Variants in SDR39U1 observed in about 807,000 individuals in gnomAD.
SDR39U1 encodes short chain dehydrogenase/reductase family 39U member 1.
Under a neutral mutation model 31.7 loss-of-function variants are expected in SDR39U1, and 29 were observed. The ratio of observed to expected loss-of-function variants is 0.92; its 90% confidence interval spans 0.68 to 1.25. The LOEUF is 1.25. Among genes scored for constraint, SDR39U1 ranks in the 50% most tolerant of loss-of-function variants. The probability of loss-of-function intolerance (pLI) is 0.00; values close to 1 mark genes in which losing one functional copy is unlikely to be tolerated. For synonymous variants in SDR39U1, 147 were observed against 159.0 expected, an observed-to-expected ratio of 0.92 and a Z score of 0.57; for missense variants, 403 against 378.4, an observed-to-expected ratio of 1.06 and a Z score of -0.54.
At position 24,440,411 on chromosome 14, in the gene SDR39U1, G is replaced by C. The variant is rs1418713774; in HGVS notation, c.554C>G (p.Ser185Ter). ...TATCCAGGGGAAGAATTGGTGGCCT[G>C]AGCCGATGGGGCCCCCCAGGCCCAG... Reference protein sequence around the residue: ...FRLGLGGPIGSGHQFFPWIHI... With the variant: ...FRLGLGGPIG Residue 185 changes from serine (S) to a stop codon, truncating the protein, a stop_gained, in exon 6 of 6, where the codon TCA (serine) becomes TGA (stop). Coordinates refer to ENST00000399395, the MANE Select transcript of SDR39U1 (RefSeq NM_020195.3). LOFTEE classifies it high-confidence loss of function. The C allele has an allele frequency of 2.5e-6, 4 of 1,613,478 alleles. No individual in the cohort carries two copies. The highest frequency in any genetic ancestry group is 2.2e-5 in the South Asian group (2 of 91,002).
rs1464197113 is a variant in SDR39U1, at chr14:24,440,337, G to A, written c.628C>T (p.His210Tyr). ...GILTHALEAN[H>Y]VHGVLNGVAP... ...ACTCCATTCAGGACCCCGTGCACGTGGTTTGCTTCAAGGGCATGGGTCAGG... is the reference window on the plus strand; with the variant it reads ...ACTCCATTCAGGACCCCGTGCACGTAGTTTGCTTCAAGGGCATGGGTCAGG... Residue 210 changes from histidine to tyrosine, a missense_variant, in exon 6 of 6, where the codon CAC becomes TAC. Physicochemically the swap from His to Tyr is moderately conservative, Grantham distance 83 (BLOSUM62 2). Transcript: ENST00000399395. 12 of 1,614,040 alleles carry A rather than the reference G, an allele frequency of 7.4e-6. No individual in the cohort carries two copies. Among genetic ancestry groups the A allele is most frequent in the Non-Finnish European group, 1.0e-5 (12 of 1,179,900 alleles).
chr14:24,441,108 A>ATT (rs201262437), intron 4 of SDR39U1, 182 bp from the exon 5 acceptor site: 2 of 627,682 alleles, frequency 3.2e-6, no homozygotes, highest in East Asian at 6.3e-5. Flanking sequence ...CCCTGGAGGA[A>ATT]CTCTGGTTGC....
Position 24,440,786 on chromosome 14 carries a change from A to G in SDR39U1, c.469T>C (p.Ser157Pro). 6.2e-7 allele frequency: 1 copy of G among 1,613,824 alleles called. No individual in the cohort carries two copies. Among genetic ancestry groups the G allele is most frequent in the Non-Finnish European group, 8.5e-7 (1 of 1,179,830 alleles). ...GATACCCAGGCCCGTTTCTCACCTG[A>G]GCGCACCACCACCTGGCGTGTAGAA... ...GDSTRQVVVRSGVVLGRGGGA... is the reference protein window; with the variant it reads ...GDSTRQVVVRPGVVLGRGGGA... The change falls in exon 5 of 6, where the codon TCA becomes CCA. Residue 157 changes from serine to proline, a missense_variant. Transcript: ENST00000399395.
chr14:24,442,285 C>T lies in SDR39U1; in HGVS notation c.124-25G>A, dbSNP rs939951985. On this transcript the variant is annotated intron_variant, in intron 2 of 5. Transcript: ENST00000399395. ...CCTGTCGGAGAAAGCACACAGTGCC[C>T]CTGCCCCGCCCTGCGCCGCCCAACT... 5.6e-6 allele frequency: 9 copies of T among 1,600,782 alleles called. No homozygotes were observed. The African/African-American group carries it at 1.1e-4, about 19-fold the overall frequency.
rs771784356 is a variant in SDR39U1 at position 24,440,510 on chromosome 14, GA to G, written c.473-19del. On this transcript the variant is annotated intron_variant, in intron 5 of 5. Transcript: ENST00000399395. ...CACAACCCCTAGAGCAGGAAAGAGG[GA>G]AGGTACAGGGGTCCTCTCAGCCTTG... 6.3e-7 allele frequency: 1 copy of G among 1,590,306 alleles called. No individual in the cohort carries two copies. The highest frequency in any genetic ancestry group is 1.3e-5 in the African/African-American group (1 of 74,496).
rs758523491 is a variant in SDR39U1, at chr14:24,441,722, T to C, written c.280A>G (p.Thr94Ala). 8.1e-6 allele frequency: 13 copies of C among 1,599,642 alleles called. No individual in the cohort carries two copies. In the South Asian group the frequency reaches 1.5e-4, roughly 18 times the overall value. ...GCCTTGGGGGGTTGTGGGGCTTTGG[T>C]GATGGCTTTAGCCAGCAATTGGGTG... ...ETTQLLAKAI[T>A]KAPQPPKAWV... Residue 94 changes from threonine (T) to alanine (A), a missense_variant, in exon 4 of 6, where the codon ACC becomes GCC. By Grantham distance (58) the Thr-to-Ala change is moderately conservative. Coordinates refer to ENST00000399395, the MANE Select transcript of SDR39U1 (RefSeq NM_020195.3).
Sources: allele counts gnomAD v4.1 joint callset, GRCh38; gene constraint gnomAD v4.1.1; transcripts MANE v1.5; gene names NCBI Gene and HGNC (gene_info 2026-07-23, HGNC 2026-07-21).